PRCD: variants seen among roughly 807,000 people sequenced by gnomAD.
PRCD encodes the protein photoreceptor disc component.
Under a neutral mutation model 10.1 loss-of-function variants are expected in PRCD, and 12 were observed. That is an observed-to-expected ratio of 1.18 (90% confidence interval 0.76 to 1.92). PRCD has a LOEUF of 1.92. Among genes scored for constraint, PRCD ranks in the 40% most tolerant of loss-of-function variants. The pLI, the probability that PRCD is intolerant of heterozygous loss-of-function variation, is 0.00. For missense variants in PRCD, 61 were observed against 72.2 expected (o/e 0.84, Z 0.56); for synonymous variants, 31 against 26.2 (o/e 1.18, Z -0.56).
At chr17:76,534,171 TCTC>T (rs1157025051) in intron 1 of PRCD, among the ~76,000 whole-genome samples, 52 of 148,884 alleles carry the variant, frequency 3.5e-4, no homozygotes, top group African/African-American at 1.3e-3. Flanking sequence ...TCTCTCTCTC[TCTC>T]TCTTTCTTTC....
At position 76,528,660 on chromosome 17, in the gene PRCD, A is replaced by G; in HGVS notation, n.45+827A>G. Reference sequence around the variant, plus strand: ...GGACAAACGTTACCAGAGGCAGGGAAGGACCCTCGGGGGAAAGGGGGAGGA... The same window carrying G: ...GGACAAACGTTACCAGAGGCAGGGAGGGACCCTCGGGGGAAAGGGGGAGGA... On this transcript the variant is annotated intron_variant and non_coding_transcript_variant, in intron 1 of 4. Transcript: ENST00000397633. The surrounding 1 kb of genome is among the most constrained non-coding windows in gnomAD (Gnocchi z 5.8). 2.4e-6 allele frequency: 3 copies of G among 1,255,522 alleles called. No individual in the cohort carries two copies. Among genetic ancestry groups the G allele is most frequent in the Non-Finnish European group, 3.0e-6 (3 of 990,940 alleles). 77.8% of individuals were successfully genotyped at this position (1,255,522 alleles called of 1,614,324 possible).
rs370516547 is a variant in PRCD at position 76,531,419 on chromosome 17, G to A, written n.45+3586G>A. On this transcript the variant is annotated intron_variant and non_coding_transcript_variant, in intron 1 of 4. Coordinates refer to the PRCD transcript ENST00000397633. The surrounding 1 kb of genome is among the most constrained non-coding windows in gnomAD (Gnocchi z 7.4). ...CCTGCGAGCTGCAGATGGCCATGAC[G>A]CGTGGGCGGTGGGGGCTCTGCAGCA... 17 of 1,584,348 alleles carry A rather than the reference G, an allele frequency of 1.1e-5. No individual in the cohort carries two copies. The highest frequency in any genetic ancestry group is 5.4e-5 in the African/African-American group (4 of 74,446).
At chr17:76,538,506 A>G, upstream of PRCD, 2 of 466,952 alleles carry the variant, frequency 4.3e-6, no homozygotes, top group Non-Finnish European at 4.4e-6. Flanking sequence ...TGACACGGAC[A>G]GGCAAGAACC....
chr17:76,537,370 C>T (rs201388009), upstream of PRCD: 1,441 of 1,567,366 alleles, frequency 9.2e-4, 1 homozygote, highest in Admixed American at 2.0e-3. Flanking sequence ...CCTCCCTGCC[C>T]AGGGCCCGGC....
At chr17:76,537,599 G>C, upstream of PRCD, 1 of 1,048,808 alleles carries the variant, frequency 9.5e-7, no homozygotes, top group Non-Finnish European at 1.1e-6. Context: ...GGGGCGCGGG[G>C]CGCGGGGCGC....
chr17:76,529,788 C>T (rs1439407478), intron 1 of PRCD: 2 of 985,236 alleles, frequency 2.0e-6, no homozygotes, highest in Admixed American at 6.1e-5. Flanking sequence ...CCAACATCTG[C>T]TTGTTTCCCA....
chr17:76,541,710 C>T (rs1024641571), intron 2 of PRCD, among the ~76,000 whole-genome samples: 1 of 152,182 alleles, frequency 6.6e-6, no homozygotes, highest in Non-Finnish European at 1.5e-5. Context: ...CTACAATGAC[C>T]ACCCCTGGGC....
At chr17:76,541,017 G>A (rs183270104) in intron 2 of PRCD, among the ~76,000 whole-genome samples, 96 of 152,344 alleles carry the variant, frequency 6.3e-4, no homozygotes, top group African/African-American at 1.4e-3. Flanking sequence ...AGGCGCGGGA[G>A]GAGCATGACA....
Position 76,528,488 on chromosome 17 carries a change from T to A in PRCD, n.45+655T>A. 1 of 1,152,638 alleles carries A rather than the reference T, an allele frequency of 8.7e-7. No homozygotes were observed. Among genetic ancestry groups the A allele is most frequent in the Admixed American group, 4.2e-5 (1 of 23,634 alleles). The allele number at this position is 1,152,638 out of a possible 1,614,324, so 71.4% of individuals were successfully genotyped here. ...GAGTCAGGGATTCCTCCAGCTTCCT[T>A]GGCACCCAGAAATGGAGCGTCAAGG... On this transcript the variant is annotated intron_variant and non_coding_transcript_variant, in intron 1 of 4. Transcript: ENST00000397633. The surrounding 1 kb of genome is among the most constrained non-coding windows in gnomAD (Gnocchi z 5.8).
At chr17:76,551,500 G>T (rs2075108780) in intron 1 of PRCD, 1 of 152,200 alleles carries the variant, frequency 6.6e-6, no homozygotes, top group Non-Finnish European at 1.5e-5. Flanking sequence ...TCAATGCGTA[G>T]GGTCTGTGTT....
At chr17:76,527,938 G>A (rs1037782728) in intron 1 of PRCD, 30 of 388,846 alleles carry the variant, frequency 7.7e-5, no homozygotes, top group Admixed American at 5.2e-4. Flanking sequence ...GGGCTTTGCC[G>A]CCAAGCCGGG....
intron 1 of PRCD, chr17:76,552,691 C>T (rs1046220236): frequency 1.3e-4 from 20 of 151,346 alleles, no homozygotes; most frequent in African/African-American, 4.8e-4. Flanking sequence ...TGGTGAAACT[C>T]TGTCTCTACC....
chr17:76,541,255 A>G (rs968980714), intron 2 of PRCD, among the ~76,000 whole-genome samples: 1 of 152,226 alleles, frequency 6.6e-6, no homozygotes, highest in African/African-American at 2.4e-5. Flanking sequence ...TGAAGTTCCC[A>G]TGCATGAGGG....
Position 76,540,679 on chromosome 17 carries a change from C to T in PRCD, c.143+106C>T, listed in dbSNP as rs933031092. ...TGCCTGTGCGCGCCTGTGCGTGCACCGTATCCTGGCCCTTGCCCTAAGCAC... is the reference window on the plus strand; with the variant it reads ...TGCCTGTGCGCGCCTGTGCGTGCACTGTATCCTGGCCCTTGCCCTAAGCAC... On this transcript the variant is annotated intron_variant, in intron 2 of 4. Transcript: ENST00000592014. The surrounding 1 kb of genome is among the most constrained non-coding windows in gnomAD (Gnocchi z 5.0). 7 of 1,142,102 alleles carry T rather than the reference C, an allele frequency of 6.1e-6. No individual in the cohort carries two copies. The highest frequency in any genetic ancestry group is 5.7e-5 in the Admixed American group (3 of 52,486). 70.7% of individuals were successfully genotyped at this position (1,142,102 alleles called of 1,614,324 possible).
At chr17:76,535,862 C>T (rs1461558480), upstream of PRCD, among the ~76,000 whole-genome samples, 8 of 152,328 alleles carry the variant, frequency 5.3e-5, no homozygotes, top group East Asian at 1.5e-3. Context: ...AGGTACCTGG[C>T]AGGGGTTGGG....
At chr17:76,529,791 G>A in intron 1 of PRCD, 2 of 985,304 alleles carry the variant, frequency 2.0e-6, no homozygotes, top group Non-Finnish European at 2.4e-6. Flanking sequence ...ACATCTGCTT[G>A]TTTCCCATTG....
chr17:76,528,373 G>C lies in PRCD; in HGVS notation n.45+540G>C, dbSNP rs762947995. 1 of 426,074 alleles carries C rather than the reference G, an allele frequency of 2.3e-6. No individual in the cohort carries two copies. The highest frequency in any genetic ancestry group is 4.0e-6 in the Non-Finnish European group (1 of 247,636). The allele number at this position is 426,074 out of a possible 1,614,324, so 26.4% of individuals were successfully genotyped here. ...GAGTGGGCCCCGCTCTGCCCGCCGCGCTGGGGTCAGCATCCAGGCAGCCAG... is the reference window on the plus strand; with the variant it reads ...GAGTGGGCCCCGCTCTGCCCGCCGCCCTGGGGTCAGCATCCAGGCAGCCAG... On this transcript the variant is annotated intron_variant and non_coding_transcript_variant, in intron 1 of 4. Coordinates refer to the PRCD transcript ENST00000397633. The surrounding 1 kb of genome is among the most constrained non-coding windows in gnomAD (Gnocchi z 5.8).
In PRCD at chr17:76,531,702, G is replaced by A. The variant is rs765907152; in HGVS notation, n.45+3869G>A. ...AAGTTCACAAAGAACCTGGCAAGAG[G>A]AACAGGGGTGGTCGCTGAAGCTGGA... On this transcript the variant is annotated intron_variant and non_coding_transcript_variant, in intron 1 of 4. Transcript: ENST00000397633. This position sits in a 1 kb window ranked among gnomAD's most constrained non-coding sequence, Gnocchi z 7.4. 2 of 1,579,450 alleles carry A rather than the reference G, an allele frequency of 1.3e-6. No individual in the cohort carries two copies. The highest frequency in any genetic ancestry group is 1.1e-5 in the South Asian group (1 of 88,244).
Position 76,540,614 on chromosome 17 carries a change from A to AC in PRCD, c.143+41_143+42insC, listed in dbSNP as rs781509601. The AC allele has an allele frequency of 3.8e-6, 6 of 1,595,644 alleles. No homozygotes were observed. In the African/African-American group the frequency reaches 6.7e-5, roughly 18 times the overall value. ...GGGCTGGGGGAGGGAGGGTGCTGCC[A>AC]AGGAAGCTGTGGCTGTGCATGCCTG... On this transcript the variant is annotated intron_variant, in intron 2 of 4. Coordinates refer to ENST00000592014, the MANE Select transcript of PRCD (RefSeq NM_001077620.3). This position sits in a 1 kb window ranked among gnomAD's most constrained non-coding sequence, Gnocchi z 5.0.
Sources: gnomAD v4.1 joint callset for allele counts (sites outside exome capture counted in the v4.1 genomes callset) on GRCh38, gnomAD v4.1.1 for gene constraint, Gnocchi (gnomAD v3.1) non-coding constraint, MANE v1.5 for transcripts, NCBI Gene and HGNC (gene_info 2026-07-23, HGNC 2026-07-21) for gene names.